The following STOX2 variants were observed in gnomAD, a reference collection of about 807,000 sequenced individuals.
STOX2 encodes the protein storkhead-box protein 2.
In STOX2, 28 loss-of-function variants were observed where a neutral mutation model predicts 60.9. The ratio of observed to expected loss-of-function variants is 0.46; its 90% CI spans 0.34 to 0.63. The LOEUF is 0.63. STOX2 is among the 30% of genes least tolerant of loss of function. The pLI, the probability that STOX2 is intolerant of heterozygous loss-of-function variation, is 0.01. For missense variants in STOX2, 1,024 were observed against 1,187.7 expected, an observed-to-expected ratio of 0.86 and a Z score of 2.03; for synonymous variants, 472 against 463.9, an observed-to-expected ratio of 1.02 and a Z score of -0.22.
intron 1 of STOX2, among the ~76,000 whole-genome samples, chr4:183,910,660 G>C (rs906043480): frequency 2.0e-5 from 3 of 152,188 alleles, no homozygotes; most frequent in Non-Finnish European, 4.4e-5. Flanking sequence ...GTTTCTGCAT[G>C]AGAAAGCGAA....
At chr4:183,846,035 C>A (rs1052938396) in intron 1 of STOX2, among the ~76,000 whole-genome samples, 1 of 152,118 alleles carries the variant, frequency 6.6e-6, no homozygotes, top group African/African-American at 2.4e-5. Flanking sequence ...TCTTGGAATG[C>A]CTTAATTTCT....
At chr4:183,850,814 A>G (rs1166529726) in intron 1 of STOX2, among the ~76,000 whole-genome samples, 2 of 152,108 alleles carry the variant, frequency 1.3e-5, no homozygotes, top group African/African-American at 4.8e-5. Flanking sequence ...GGGAGAAAGG[A>G]TGAGGGAAAG....
chr4:183,943,082 T>G (rs1321963012), intron 1 of STOX2, among the ~76,000 whole-genome samples: 1 of 152,226 alleles, frequency 6.6e-6, no homozygotes, highest in Non-Finnish European at 1.5e-5. Context: ...TTTAAAAGAT[T>G]TATTAATTCA....
intron 1 of STOX2, among the ~76,000 whole-genome samples, chr4:183,955,447 C>T (rs116118179): frequency 0.015 from 2,248 of 152,278 alleles, 52 homozygotes; most frequent in African/African-American, 0.051. Flanking sequence ...ATTTTTTTCC[C>T]CAAGTACTCT....
At chr4:183,858,195 G>A (rs901029501) in intron 1 of STOX2, among the ~76,000 whole-genome samples, 9 of 152,158 alleles carry the variant, frequency 5.9e-5, no homozygotes, top group South Asian at 4.1e-4. Flanking sequence ...TCCGCCTCCC[G>A]GATGACCTAT....
intron 1 of STOX2, among the ~76,000 whole-genome samples, chr4:183,850,891 AGAAACGATGAGG>A (rs1560845196): frequency 8.8e-4 from 57 of 64,908 alleles, no homozygotes; most frequent in Admixed American, 1.2e-3. Context: ...AAAGGATGAG[AGAAACGATGAGG>A]GAAAGGATGA....
At chr4:183,927,882 G>A (rs1285574130) in intron 1 of STOX2, among the ~76,000 whole-genome samples, 1 of 152,184 alleles carries the variant, frequency 6.6e-6, no homozygotes, top group African/African-American at 2.4e-5. Flanking sequence ...AGGTAAGTGA[G>A]CACACCCCTC....
chr4:183,945,753 G>A (rs1742869164), intron 1 of STOX2, among the ~76,000 whole-genome samples: 1 of 152,204 alleles, frequency 6.6e-6, no homozygotes, highest in South Asian at 2.1e-4. Flanking sequence ...ACTGATTCAG[G>A]TTCTAAGACG....
chr4:183,888,509 A>G (rs1471438935), intron 1 of STOX2, among the ~76,000 whole-genome samples: 2 of 152,160 alleles, frequency 1.3e-5, no homozygotes, highest in Non-Finnish European at 2.9e-5. Context: ...CCATGAGCCC[A>G]TGTCCTGTTT....
chr4:183,901,448 T>C (rs1228719097), upstream of STOX2, among the ~76,000 whole-genome samples: 1 of 152,162 alleles, frequency 6.6e-6, no homozygotes, highest in East Asian at 1.9e-4. Context: ...AATTGCTGGA[T>C]CATATGGTAA....
intron 1 of STOX2, among the ~76,000 whole-genome samples, chr4:183,936,933 C>T (rs1742606227): frequency 6.6e-6 from 1 of 152,132 alleles, no homozygotes; most frequent in South Asian, 2.1e-4. Context: ...ATTTGGTGGG[C>T]AGAGCATGGA....
chr4:183,948,161 T>C (rs2111139354), intron 1 of STOX2, among the ~76,000 whole-genome samples: 1 of 124,952 alleles, frequency 8.0e-6, no homozygotes, highest in South Asian at 2.5e-4. Context: ...GAGGTTGCAG[T>C]GAGCCGAGAT....
upstream of STOX2, among the ~76,000 whole-genome samples, chr4:183,903,388 G>A (rs1741505773): frequency 6.6e-6 from 1 of 152,128 alleles, no homozygotes; most frequent in Non-Finnish European, 1.5e-5. Context: ...TGCTTGAGTG[G>A]CTCCTCATGC....
chr4:183,959,052 C>T (rs1451386411), intron 1 of STOX2, among the ~76,000 whole-genome samples: 2 of 151,620 alleles, frequency 1.3e-5, no homozygotes, highest in African/African-American at 4.9e-5. Flanking sequence ...GCAGAAGGCA[C>T]GCCAGCTCTC....
At chr4:183,944,675 C>T (rs911626824) in intron 1 of STOX2, among the ~76,000 whole-genome samples, 2 of 152,226 alleles carry the variant, frequency 1.3e-5, no homozygotes, top group Non-Finnish European at 1.5e-5. Context: ...GATCACACCA[C>T]TGCACCCCAG....
intron 1 of STOX2, among the ~76,000 whole-genome samples, chr4:183,923,826 C>T (rs1742166911): frequency 1.3e-5 from 2 of 152,018 alleles, no homozygotes; most frequent in Non-Finnish European, 2.9e-5. Flanking sequence ...ATGGAGTTGT[C>T]AGGCTGCATT....
chr4:183,901,757 C>T (rs1323553120), upstream of STOX2, among the ~76,000 whole-genome samples: 1 of 151,806 alleles, frequency 6.6e-6, no homozygotes, highest in East Asian at 1.9e-4. Context: ...CTATTCAAGT[C>T]CTTTGTCCAT....
At chr4:183,815,230 C>T (rs1187191848) in intron 1 of STOX2, among the ~76,000 whole-genome samples, 3 of 151,872 alleles carry the variant, frequency 2.0e-5, no homozygotes, top group Non-Finnish European at 4.4e-5. Flanking sequence ...TCAAGCGATC[C>T]TCCCGTCTCA....
At position 183,876,238 on chromosome 4, in the gene STOX2, C is replaced by T. The variant is rs533149850; in HGVS notation, c.364+78183C>T. On this transcript the variant is annotated intron_variant, in intron 1 of 2. Coordinates refer to the STOX2 transcript ENST00000513034. The stretch of plus-strand genomic sequence containing the variant: ...TGAACTTCAAGGGGCGACTCCCAGG[C>T]GGTCTGATGCATTACCCCTGACTTG... Among the ~76,000 whole-genome samples the T allele has an allele frequency of 3.0e-4, 46 of 152,320 alleles. No homozygotes were observed. The East Asian group carries it at 7.7e-3, about 26-fold the overall frequency.
Sources: allele counts gnomAD v4.1 joint callset (sites outside exome capture counted in the v4.1 genomes callset), GRCh38; gene constraint gnomAD v4.1.1; transcripts MANE v1.5; gene names NCBI Gene and HGNC (gene_info 2026-07-23, HGNC 2026-07-21).